FEZ2: variants seen among roughly 807,000 people sequenced by gnomAD.
FEZ2 encodes fasciculation and elongation protein zeta-2.
FEZ2 carries 51 observed loss-of-function variants against 40.4 expected under a neutral mutation model. The observed-to-expected ratio is 1.26, with a 90% CI of 1.01 to 1.59. FEZ2 has a LOEUF of 1.59. FEZ2 is among the 40% of genes most tolerant of loss of function. The probability of loss-of-function intolerance (pLI) is 0.00; values close to 1 mark genes in which losing one functional copy is unlikely to be tolerated. For synonymous variants in FEZ2, 242 were observed against 172.0 expected (o/e 1.41, Z -3.18); for missense variants, 640 against 438.3 (o/e 1.46, Z -4.11).
At chr2:36,560,275 G>C (rs574312441) in intron 5 of FEZ2, among the ~76,000 whole-genome samples, 1 of 152,266 alleles carries the variant, frequency 6.6e-6, no homozygotes, top group East Asian at 1.9e-4. Context: ...AGACAACTGA[G>C]TTGGCTGACT....
intron 4 of FEZ2, among the ~76,000 whole-genome samples, chr2:36,580,034 T>C (rs369061329): frequency 2.0e-5 from 3 of 152,168 alleles, no homozygotes; most frequent in African/African-American, 4.8e-5. Context: ...GCCATCTGCA[T>C]GTCAAGGAGA....
At chr2:36,583,783 G>A (rs972701663) in intron 2 of FEZ2, among the ~76,000 whole-genome samples, 19 of 152,170 alleles carry the variant, frequency 1.2e-4, no homozygotes, top group Non-Finnish European at 2.8e-4. Flanking sequence ...GGGAGAATAT[G>A]GGCAGGGTTA....
At position 36,553,142 on chromosome 2, in the gene FEZ2, A is replaced by G. The variant is rs1403034447; in HGVS notation, c.*21T>C. The G allele has an allele frequency of 3.2e-6, 5 of 1,563,622 alleles. No homozygotes were observed. The highest frequency in any genetic ancestry group is 4.3e-6 in the Non-Finnish European group (5 of 1,151,556). ...CTGTCGGAAATCTAGCTTGGAGCCC[A>G]CCGCAGATAAAGTTGCTGCTCTATG... On this transcript the variant is annotated 3_prime_UTR_variant, in exon 8 of 8. Transcript: ENST00000405912.
chr2:36,562,082 A>G (rs897912328), intron 5 of FEZ2, among the ~76,000 whole-genome samples: 6 of 152,216 alleles, frequency 3.9e-5, no homozygotes, highest in African/African-American at 1.4e-4. Flanking sequence ...TCCAAATGAC[A>G]GACTGAATGC....
intron 5 of FEZ2, among the ~76,000 whole-genome samples, chr2:36,559,623 C>G (rs60118292): frequency 6.6e-6 from 1 of 152,320 alleles, no homozygotes; most frequent in African/African-American, 2.4e-5. Flanking sequence ...ATTGTATAAT[C>G]GAATGTTTCT....
intron 2 of FEZ2, among the ~76,000 whole-genome samples, chr2:36,583,733 G>T (rs1302129960): frequency 6.6e-6 from 1 of 152,172 alleles, no homozygotes; most frequent in Non-Finnish European, 1.5e-5. Flanking sequence ...AAAAAATACG[G>T]TATTCATTAG....
chr2:36,598,111 T>G lies in FEZ2; in HGVS notation c.32A>C (p.Tyr11Ser), dbSNP rs1025777737. The change falls in exon 1 of 8, where the codon TAT becomes TCT. Residue 11 changes from tyrosine (Y) to serine (S), a missense_variant. Transcript: ENST00000405912. MAADGDWQDFYEFQEPARSLL... is the reference protein window; with the variant it reads MAADGDWQDFSEFQEPARSLL... The stretch of plus-strand genomic sequence containing the variant: ...GCTCCGGGCCGGCTCCTGGAACTCA[T>G]AGAAATCCTGCCAGTCCCCGTCCGC... 2.8e-5 allele frequency: 41 copies of G among 1,482,444 alleles called. 2 individuals carry two copies. The highest frequency in any genetic ancestry group is 2.3e-4 in the Middle Eastern group (1 of 4,262). 91.8% of individuals were successfully genotyped at this position (1,482,444 alleles called of 1,614,324 possible). A position where few individuals can be genotyped will look rare whatever the true frequency, so the allele number is the denominator to read the frequency against.
intron 5 of FEZ2, among the ~76,000 whole-genome samples, chr2:36,575,752 C>T (rs1371258443): frequency 2.6e-5 from 4 of 151,918 alleles, no homozygotes; most frequent in East Asian, 3.9e-4. Flanking sequence ...AAAACAAAAT[C>T]TGTCTCCAAG....
At chr2:36,577,273 T>G (rs935842545) in intron 5 of FEZ2, among the ~76,000 whole-genome samples, 8 of 152,162 alleles carry the variant, frequency 5.3e-5, no homozygotes, top group Non-Finnish European at 1.0e-4. Context: ...TTTTTTTTTT[T>G]TGAGATGGAG....
chr2:36,557,072 ATAT>A (rs1667977141), intron 6 of FEZ2: 1 of 152,200 alleles, frequency 6.6e-6, no homozygotes, highest in Non-Finnish European at 1.5e-5. Flanking sequence ...CTTATGAGCA[ATAT>A]TTATGTTCCC....
intron 5 of FEZ2, among the ~76,000 whole-genome samples, chr2:36,564,126 CTGGCACA>C (rs1668167949): frequency 6.6e-6 from 1 of 152,212 alleles, no homozygotes; most frequent in African/African-American, 2.4e-5. Flanking sequence ...AGAACAGAGA[CTGGCACA>C]TGGCAAAGCT....
At chr2:36,567,625 G>C (rs912874506) in intron 5 of FEZ2, among the ~76,000 whole-genome samples, 35 of 152,066 alleles carry the variant, frequency 2.3e-4, no homozygotes, top group African/African-American at 8.0e-4. Flanking sequence ...AGCCAGACGT[G>C]GTGGCGGGTG....
rs778639809 is a variant in FEZ2, at chr2:36,555,715, A to T, written c.1013T>A (p.Val338Asp). 1 of 1,598,402 alleles carries T rather than the reference A, an allele frequency of 6.3e-7. No homozygotes were observed. The highest frequency in any genetic ancestry group is 8.5e-7 in the Non-Finnish European group (1 of 1,172,820). ...LRAMKEDSEK[V>D]PSLLTDYILK... is the part of the protein sequence containing the mutation. ...AATATAATCAGTTAACAAGCTCGGA[A>T]CTTTTTCACTGTCCTCCTTCATGGC... is the stretch of plus-strand genomic sequence containing the variant. Residue 338 changes from valine (V) to aspartate (D), a missense_variant, in exon 7 of 8, where the codon GTT (valine) becomes GAT (aspartate). Physicochemically the swap from Val to Asp is radical, Grantham distance 152. Transcript: ENST00000405912.
chr2:36,598,080 C>A lies in FEZ2; in HGVS notation c.63G>T (p.Leu21=), dbSNP rs761038588. The A allele has an allele frequency of 6.7e-7, 1 of 1,499,232 alleles. No homozygotes were observed. Among genetic ancestry groups the A allele is most frequent in the Non-Finnish European group, 8.8e-7 (1 of 1,130,478 alleles). The allele number at this position is 1,499,232 out of a possible 1,614,324, so 92.9% of individuals were successfully genotyped here. A position where few individuals can be genotyped will look rare whatever the true frequency, so the allele number is the denominator to read the frequency against. ...GGCTCGCGTTACAGTTCTCCTGGTC[C>A]AGGAGGCTCCGGGCCGGCTCCTGGA... The part of the protein sequence containing the change: ...YEFQEPARSL[L]DQENCNASPE... The change falls in exon 1 of 8, where the codon CTG becomes CTT. Residue 21 remains leucine (L), a synonymous_variant. Transcript: ENST00000405912.
At chr2:36,559,104 T>C (rs2125219634) in intron 5 of FEZ2, 1 of 152,278 alleles carries the variant, frequency 6.6e-6, no homozygotes, top group East Asian at 1.9e-4. Flanking sequence ...GGGTAAGTCA[T>C]TGTAAACGTT....
chr2:36,584,347 G>C (rs1282293772), intron 2 of FEZ2, among the ~76,000 whole-genome samples: 2 of 152,208 alleles, frequency 1.3e-5, no homozygotes, highest in African/African-American at 2.4e-5. Context: ...TAAAGTACCA[G>C]TTTCTGTTGC....
intron 5 of FEZ2, among the ~76,000 whole-genome samples, chr2:36,576,624 C>G (rs1558450973): frequency 6.6e-6 from 1 of 152,144 alleles, no homozygotes; most frequent in Non-Finnish European, 1.5e-5. Flanking sequence ...CTTAGCCGTG[C>G]CATTACTGAA....
chr2:36,569,344 C>T (rs1176269413), intron 5 of FEZ2, among the ~76,000 whole-genome samples: 1 of 152,166 alleles, frequency 6.6e-6, no homozygotes. Context: ...AACAGCATTT[C>T]AAGTTCTTCT....
At chr2:36,554,738 G>A (rs918026443) in intron 7 of FEZ2, among the ~76,000 whole-genome samples, 2 of 152,282 alleles carry the variant, frequency 1.3e-5, no homozygotes, top group Non-Finnish European at 2.9e-5. Flanking sequence ...TTCACTTTGA[G>A]CACCCTGTGT....
Sources: gnomAD v4.1 joint callset for allele counts (sites outside exome capture counted in the v4.1 genomes callset) on GRCh38, gnomAD v4.1.1 for gene constraint, MANE v1.5 for transcripts, NCBI Gene and HGNC (gene_info 2026-07-23, HGNC 2026-07-21) for gene names.